NAV3: variants seen among roughly 807,000 people sequenced by gnomAD.
NAV3 encodes the protein neuron navigator 3, also known as pore membrane and/or filament interacting like protein 1.
In NAV3, 87 loss-of-function variants were observed where a neutral mutation model predicts 244.7. The ratio of observed to expected loss-of-function variants is 0.36; its 90% CI spans 0.30 to 0.42. NAV3 has a LOEUF of 0.42. Among genes scored for constraint, NAV3 ranks in the 20% least tolerant of loss-of-function variants. NAV3 has a pLI of 1.00. For missense variants in NAV3, 2,663 were observed against 2,893.3 expected, an observed-to-expected ratio of 0.92 and a Z score of 1.83; for synonymous variants, 1,126 against 1,042.2, an observed-to-expected ratio of 1.08 and a Z score of -1.55.
chr12:78,005,858 T>G (rs1215768964), intron 7 of NAV3, among the ~76,000 whole-genome samples: 1 of 152,184 alleles, frequency 6.6e-6, no homozygotes. Flanking sequence ...CATAATTATA[T>G]TTGTAATAAT....
intron 1 of NAV3, among the ~76,000 whole-genome samples, chr12:77,921,576 A>T (rs144931677): frequency 1.3e-5 from 2 of 152,056 alleles, no homozygotes; most frequent in African/African-American, 4.8e-5. Flanking sequence ...AGATTGTCTT[A>T]TGATAAGTTT....
At chr12:77,731,153 G>A (rs185471720) in intron 2 of NAV3, among the ~76,000 whole-genome samples, 1 of 152,106 alleles carries the variant, frequency 6.6e-6, no homozygotes, top group African/African-American at 2.4e-5. Flanking sequence ...CAGTGCAGAA[G>A]AGAGGCAAAG....
At chr12:77,990,339 GGAAATAGGTCATCTGTTAGGAAAAC>G in intron 5 of NAV3, among the ~76,000 whole-genome samples, 1 of 152,206 alleles carries the variant, frequency 6.6e-6, no homozygotes. Context: ...TTGGTCAACA[GGAAATAGGTCATCTGTTAGGAAAAC>G]AGGAATTAGC....
At chr12:78,019,053 C>T (rs1234770981) in intron 8 of NAV3, among the ~76,000 whole-genome samples, 1 of 152,196 alleles carries the variant, frequency 6.6e-6, no homozygotes, top group East Asian at 1.9e-4. Flanking sequence ...TTAATATTGA[C>T]CAGAATTTCA....
At chr12:77,773,042 A>T (rs2135884832) in intron 2 of NAV3, among the ~76,000 whole-genome samples, 1 of 152,320 alleles carries the variant, frequency 6.6e-6, no homozygotes, top group East Asian at 1.9e-4. Context: ...TAATCATCAT[A>T]AATGACAGAA....
At chr12:77,694,057 T>C (rs957803107) in intron 2 of NAV3, among the ~76,000 whole-genome samples, 1 of 152,130 alleles carries the variant, frequency 6.6e-6, no homozygotes, top group Non-Finnish European at 1.5e-5. Context: ...TATCAATCTT[T>C]ATGAAACCTG....
At chr12:77,769,104 T>C (rs1411709753) in intron 2 of NAV3, among the ~76,000 whole-genome samples, 1 of 152,182 alleles carries the variant, frequency 6.6e-6, no homozygotes, top group Non-Finnish European at 1.5e-5. Flanking sequence ...AACTGAGGCA[T>C]GGAAAGGTTC....
Position 78,050,950 on chromosome 12 carries a change from C to T in NAV3, c.2319C>T (p.His773=), listed in dbSNP as rs1233332024. The change falls in exon 11 of 40, where the codon CAC becomes CAT. Residue 773 remains histidine (H), a synonymous_variant. Transcript: ENST00000397909. ...GCAGTGGTACCAGTCGATTCATCCA[C>T]ACAGACCCCTCGAGGTTCATGTATA... ...YPRSGTSRFI[H]TDPSRFMYTT... is the part of the protein sequence containing the mutation. 6.2e-7 allele frequency: 1 copy of T among 1,613,950 alleles called. No homozygotes were observed. Among genetic ancestry groups the T allele is most frequent in the African/African-American group, 1.3e-5 (1 of 74,912 alleles).
At chr12:77,741,973 A>G (rs940600512) in intron 2 of NAV3, among the ~76,000 whole-genome samples, 2 of 152,070 alleles carry the variant, frequency 1.3e-5, no homozygotes, top group African/African-American at 4.8e-5. Context: ...CATGACAACA[A>G]TCTCTTTTGA....
At chr12:78,097,591 T>G (rs1954321152) in intron 12 of NAV3, among the ~76,000 whole-genome samples, 2 of 152,228 alleles carry the variant, frequency 1.3e-5, no homozygotes. Context: ...TGGAATGTTT[T>G]TATTATAATA....
At position 78,198,518 on chromosome 12, in the gene NAV3, C is replaced by A. The variant is rs1235179041; in HGVS notation, c.6447-87C>A. Reference sequence around the variant, plus strand: ...AATATTGAAATGGAATAATCCATATCTATCCTAGTAGTTTTCCAAGATAAT... The same window carrying A: ...AATATTGAAATGGAATAATCCATATATATCCTAGTAGTTTTCCAAGATAAT... On this transcript the variant is annotated intron_variant, in intron 35 of 39. Transcript: ENST00000397909. 14 of 743,796 alleles carry A rather than the reference C, an allele frequency of 1.9e-5. No homozygotes were observed. The Admixed American group carries it at 3.4e-4, about 18-fold the overall frequency. 46.1% of individuals were successfully genotyped at this position (743,796 alleles called of 1,614,324 possible).
chr12:77,961,620 T>C (rs1032207806), intron 3 of NAV3, among the ~76,000 whole-genome samples: 1 of 141,336 alleles, frequency 7.1e-6, no homozygotes, highest in African/African-American at 2.6e-5. Flanking sequence ...TATATTACTA[T>C]ATATGTAATA....
chr12:77,968,064 C>A (rs1330380287), intron 4 of NAV3, among the ~76,000 whole-genome samples: 2 of 151,858 alleles, frequency 1.3e-5, no homozygotes, highest in Non-Finnish European at 1.5e-5. Flanking sequence ...GGAGGTGCAC[C>A]CACATCATCA....
intron 5 of NAV3, among the ~76,000 whole-genome samples, chr12:77,972,152 G>A (rs1459848150): frequency 6.6e-6 from 1 of 152,060 alleles, no homozygotes; most frequent in Non-Finnish European, 1.5e-5. Context: ...GTATCTATAG[G>A]TGCATGGGTC....
At chr12:77,933,561 T>C (rs1032500578) in intron 1 of NAV3, among the ~76,000 whole-genome samples, 27 of 152,344 alleles carry the variant, frequency 1.8e-4, no homozygotes, top group African/African-American at 6.3e-4. Flanking sequence ...AAAAACTTCA[T>C]ACAGTGTGAG....
intron 2 of NAV3, among the ~76,000 whole-genome samples, chr12:77,606,574 A>T (rs983464478): frequency 6.6e-6 from 1 of 152,140 alleles, no homozygotes; most frequent in African/African-American, 2.4e-5. Flanking sequence ...TGCACATAGT[A>T]TGAGCTCAAT....
intron 2 of NAV3, among the ~76,000 whole-genome samples, chr12:77,810,787 A>C (rs78198706): frequency 1.3e-5 from 2 of 152,174 alleles, no homozygotes; most frequent in Non-Finnish European, 2.9e-5. Flanking sequence ...CTGCCTAACC[A>C]CTTTAAATAA....
At chr12:77,897,110 C>T (rs1884713219) in intron 1 of NAV3, among the ~76,000 whole-genome samples, 1 of 152,176 alleles carries the variant, frequency 6.6e-6, no homozygotes, top group South Asian at 2.1e-4. Context: ...TTTGTAGTCT[C>T]ATAATATATT....
At chr12:77,949,138 G>A (rs1018669780) in intron 3 of NAV3, among the ~76,000 whole-genome samples, 1 of 151,904 alleles carries the variant, frequency 6.6e-6, no homozygotes, top group African/African-American at 2.4e-5. Flanking sequence ...TATTAGCCAT[G>A]TTTCAAACAT....
Sources: gnomAD v4.1 joint callset for allele counts (sites outside exome capture counted in the v4.1 genomes callset) on GRCh38, gnomAD v4.1.1 for gene constraint, MANE v1.5 for transcripts, NCBI Gene and HGNC (gene_info 2026-07-23, HGNC 2026-07-21) for gene names.